DIAPH2: variants seen among roughly 807,000 people sequenced by gnomAD.
The protein encoded by DIAPH2 is diaphanous related formin 2.
In DIAPH2, 35 loss-of-function variants were observed where a neutral mutation model predicts 92.7. The ratio of observed to expected loss-of-function variants is 0.38; its 90% CI spans 0.29 to 0.50. The LOEUF (loss-of-function observed/expected upper bound fraction) is 0.50, where lower values mean the gene tolerates loss of function less well. Among genes scored for constraint, DIAPH2 ranks in the 20% least tolerant of loss-of-function variants. The pLI, the probability that DIAPH2 is intolerant of heterozygous loss-of-function variation, is 0.94. For missense variants in DIAPH2, 701 were observed against 819.5 expected, an observed-to-expected ratio of 0.86 and a Z score of 1.77; for synonymous variants, 301 against 280.4, an observed-to-expected ratio of 1.07 and a Z score of -0.73.
At chrX:97,341,969 A>G (rs1267901297) in intron 23 of DIAPH2, among the ~76,000 whole-genome samples, 3 of 112,102 alleles carry the variant, frequency 2.7e-5, no homozygotes, top group Non-Finnish European at 3.8e-5. Flanking sequence ...AAAATTAACT[A>G]TTACATCTAC....
intron 26 of DIAPH2, chrX:97,431,891 C>T (rs1485504140): frequency 1.8e-5 from 2 of 111,915 alleles, no homozygotes; most frequent in East Asian, 5.6e-4. Flanking sequence ...TTCCTCCTTG[C>T]CTCAGCCCTT....
At chrX:96,912,605 A>G in intron 7 of DIAPH2, 53 bp downstream of exon 7, 1 of 1,095,509 alleles carries the variant, frequency 9.1e-7, no homozygotes, top group South Asian at 2.7e-5. Flanking sequence ...CTTGCCCAAC[A>G]CTATGAAAGT....
At chrX:97,516,382 C>T (rs2070948699) in intron 26 of DIAPH2, among the ~76,000 whole-genome samples, 1 of 112,018 alleles carries the variant, frequency 8.9e-6, no homozygotes, top group South Asian at 3.7e-4. Flanking sequence ...GCTCTGTTTA[C>T]TTGGGTAATC....
intron 26 of DIAPH2, among the ~76,000 whole-genome samples, chrX:97,549,715 A>G (rs2071206604): frequency 9.0e-6 from 1 of 111,446 alleles, no homozygotes; most frequent in African/African-American, 3.3e-5. Flanking sequence ...CCCAGCCCAC[A>G]TGTTGCATTT....
intron 20 of DIAPH2, among the ~76,000 whole-genome samples, chrX:97,104,461 TCA>T (rs1049445831): frequency 4.5e-5 from 5 of 110,053 alleles, no homozygotes; most frequent in African/African-American, 1.7e-4. Context: ...AGATCATACC[TCA>T]CTGCAGCCTC....
chrX:96,940,712 A>C (rs934421402), intron 12 of DIAPH2, among the ~76,000 whole-genome samples: 1 of 112,051 alleles, frequency 8.9e-6, no homozygotes, highest in Non-Finnish European at 1.9e-5. Flanking sequence ...GCTGTTTTTT[A>C]AGCAACAAGG....
At chrX:97,478,377 C>G (rs1227951681) in intron 26 of DIAPH2, among the ~76,000 whole-genome samples, 1 of 111,578 alleles carries the variant, frequency 9.0e-6, no homozygotes, top group Non-Finnish European at 1.9e-5. Context: ...TGATTATATA[C>G]ATTTGTTTAT....
intron 26 of DIAPH2, among the ~76,000 whole-genome samples, chrX:97,511,951 G>T (rs1414975964): frequency 8.8e-6 from 1 of 113,378 alleles, no homozygotes; most frequent in Non-Finnish European, 1.9e-5. Flanking sequence ...GTTCATCAAG[G>T]ATTTTGGTCT....
chrX:97,018,793 T>C (rs1257606727), intron 17 of DIAPH2, among the ~76,000 whole-genome samples: 4 of 111,439 alleles, frequency 3.6e-5, no homozygotes, highest in African/African-American at 1.3e-4. Context: ...TAGTTCAGAG[T>C]TTACTCTCTG....
intron 5 of DIAPH2, among the ~76,000 whole-genome samples, chrX:96,911,304 G>A (rs943650014): frequency 9.0e-6 from 1 of 111,460 alleles, no homozygotes; most frequent in African/African-American, 3.3e-5. Context: ...AGATAACTAG[G>A]ACTAAACCAG....
At chrX:96,993,585 A>T (rs935289340) in intron 17 of DIAPH2, among the ~76,000 whole-genome samples, 1 of 111,449 alleles carries the variant, frequency 9.0e-6, no homozygotes, top group Admixed American at 9.5e-5. Context: ...CTATCATGAG[A>T]ATAGCAAGGG....
intron 23 of DIAPH2, among the ~76,000 whole-genome samples, chrX:97,256,083 A>G (rs1248069716): frequency 8.9e-6 from 1 of 112,459 alleles, no homozygotes; most frequent in Admixed American, 9.5e-5. Flanking sequence ...GAGTTAATGT[A>G]CCCTCAACCT....
chrX:97,156,691 C>T (rs953308664), intron 22 of DIAPH2, among the ~76,000 whole-genome samples: 2 of 111,095 alleles, frequency 1.8e-5, no homozygotes, highest in Middle Eastern at 4.7e-3. Context: ...AGGGAACCAC[C>T]GATGGGGAGA....
chrX:97,354,487 C>T (rs1440119218), intron 24 of DIAPH2, among the ~76,000 whole-genome samples: 1 of 111,327 alleles, frequency 9.0e-6, no homozygotes, highest in Non-Finnish European at 1.9e-5. Flanking sequence ...ATTCTCCTGC[C>T]TCAGCCTCCT....
intron 1 of DIAPH2, among the ~76,000 whole-genome samples, chrX:96,725,488 A>G (rs192918272): frequency 2.1e-4 from 24 of 112,388 alleles, no homozygotes; most frequent in Admixed American, 3.8e-4. Context: ...TCTACGTTTT[A>G]AATATTTGAT....
intron 23 of DIAPH2, among the ~76,000 whole-genome samples, chrX:97,347,222 G>A (rs1156783628): frequency 1.9e-5 from 2 of 107,168 alleles, no homozygotes; most frequent in African/African-American, 6.8e-5. Context: ...CCGAGTAGCT[G>A]GGAGTACAGG....
intron 22 of DIAPH2, among the ~76,000 whole-genome samples, chrX:97,220,591 A>C (rs1292359291): frequency 9.0e-6 from 1 of 111,615 alleles, no homozygotes; most frequent in Non-Finnish European, 1.9e-5. Context: ...AGGTGAGAGC[A>C]GGGAAGGTGA....
intron 4 of DIAPH2, among the ~76,000 whole-genome samples, chrX:96,834,417 A>C (rs747430975): frequency 6.5e-4 from 73 of 111,972 alleles, no homozygotes; most frequent in Non-Finnish European, 9.4e-4. Context: ...AATTTGAGAT[A>C]CATTTTGAAG....
At chrX:97,474,984 C>T (rs1381523944) in intron 26 of DIAPH2, among the ~76,000 whole-genome samples, 1 of 109,865 alleles carries the variant, frequency 9.1e-6, no homozygotes, top group Non-Finnish European at 1.9e-5. Flanking sequence ...AGGACCTCCC[C>T]CCACCCTCCA....
Sources: allele counts gnomAD v4.1 joint callset (sites outside exome capture counted in the v4.1 genomes callset), GRCh38; gene constraint gnomAD v4.1.1; transcripts MANE v1.5; gene names NCBI Gene and HGNC (gene_info 2026-07-23, HGNC 2026-07-21).